Variants in FAM81A observed in about 807,000 individuals in gnomAD.
FAM81A encodes the protein protein FAM81A.
A neutral mutation model predicts 46.7 loss-of-function variants in FAM81A; 19 were observed. The observed-to-expected ratio is 0.41, with a 90% confidence interval of 0.28 to 0.60. FAM81A has a LOEUF of 0.60. Ranked by LOEUF, FAM81A falls within the 20% of genes least tolerant of loss-of-function variation. The pLI, the probability that FAM81A is intolerant of heterozygous loss-of-function variation, is 0.34. For missense variants in FAM81A, 377 were observed against 453.5 expected (o/e 0.83, Z 1.53); for synonymous variants, 183 against 152.9 (o/e 1.20, Z -1.45).
rs1239618880 is a variant in FAM81A at position 59,460,266 on chromosome 15, G to C, written c.294+60G>C. On this transcript the variant is annotated intron_variant, in intron 3 of 8. Transcript: ENST00000288228. This position sits in a 1 kb window ranked among gnomAD's most constrained non-coding sequence, Gnocchi z 4.4. Reference sequence around the variant, plus strand: ...TTTCCACAGAATTGCTCCATGTCAGGAGGTCACCCACATCTAACTCCTACC... The same window carrying C: ...TTTCCACAGAATTGCTCCATGTCAGCAGGTCACCCACATCTAACTCCTACC... The C allele has an allele frequency of 1.9e-6, 3 of 1,610,480 alleles. No homozygotes were observed. The African/African-American group carries it at 4.0e-5, about 22-fold the overall frequency.
chr15:59,493,988 TAGCACTCACTGCTC>T (rs2082008472), intron 4 of FAM81A, among the ~76,000 whole-genome samples: 1 of 152,158 alleles, frequency 6.6e-6, no homozygotes, highest in Non-Finnish European at 1.5e-5. Context: ...AGAGCTCTCC[TAGCACTCACTGCTC>T]TATTGAGTCT....
chr15:59,440,594 A>G (rs543374434), intron 1 of FAM81A, among the ~76,000 whole-genome samples: 1 of 152,320 alleles, frequency 6.6e-6, no homozygotes, highest in African/African-American at 2.4e-5. Context: ...CTTTGCTTCA[A>G]CTAACATCTT....
At chr15:59,436,427 G>A (rs1017368609), upstream of FAM81A, among the ~76,000 whole-genome samples, 3 of 152,078 alleles carry the variant, frequency 2.0e-5, no homozygotes, top group Non-Finnish European at 4.4e-5. Context: ...GGGTGGGCGG[G>A]GAAAGGGTAG....
chr15:59,494,685 A>T (rs916813291), intron 4 of FAM81A, among the ~76,000 whole-genome samples: 2 of 152,140 alleles, frequency 1.3e-5, no homozygotes, highest in African/African-American at 4.8e-5. Context: ...AAATGAATTC[A>T]TGTGAAATAA....
intron 2 of FAM81A, among the ~76,000 whole-genome samples, chr15:59,405,752 A>G (rs1325983477): frequency 1.3e-5 from 2 of 152,220 alleles, no homozygotes; most frequent in Non-Finnish European, 2.9e-5. Context: ...AAACCCTCTT[A>G]CTGGCCTTGG....
At chr15:59,426,381 C>T (rs1284550725) in intron 2 of FAM81A, among the ~76,000 whole-genome samples, 2 of 152,040 alleles carry the variant, frequency 1.3e-5, no homozygotes, top group African/African-American at 2.4e-5. Context: ...CCGAGGTGGG[C>T]GATCACCTGA....
intron 2 of FAM81A, among the ~76,000 whole-genome samples, chr15:59,429,046 A>T (rs2081208272): frequency 6.6e-6 from 1 of 152,236 alleles, no homozygotes; most frequent in South Asian, 2.1e-4. Context: ...AAAATATTTT[A>T]TTCTGCTCTC....
chr15:59,496,373 G>T (rs1388534651), intron 4 of FAM81A, among the ~76,000 whole-genome samples: 1 of 152,140 alleles, frequency 6.6e-6, no homozygotes, highest in African/African-American at 2.4e-5. Flanking sequence ...TTGGGAGGCC[G>T]AGGCGGGCAG....
chr15:59,504,154 TA>T, intron 4 of FAM81A, among the ~76,000 whole-genome samples: 1 of 152,296 alleles, frequency 6.6e-6, no homozygotes, highest in African/African-American at 2.4e-5. Context: ...CATAGTATTT[TA>T]AAAACCTCAG....
chr15:59,484,719 T>C (rs77540599), intron 3 of FAM81A, among the ~76,000 whole-genome samples: 13,208 of 152,236 alleles, frequency 0.087, 703 homozygotes, highest in African/African-American at 0.15. Context: ...AGGAGAGATT[T>C]CTTCTGCTTG....
At chr15:59,453,845 A>G (rs1278159344) in intron 1 of FAM81A, among the ~76,000 whole-genome samples, 1 of 152,052 alleles carries the variant, frequency 6.6e-6, no homozygotes, top group Non-Finnish European at 1.5e-5. Context: ...TGCTAGGTGA[A>G]TCTCGATACC....
intron 3 of FAM81A, among the ~76,000 whole-genome samples, chr15:59,470,591 G>A (rs1240019320): frequency 2.6e-5 from 4 of 152,148 alleles, no homozygotes; most frequent in Non-Finnish European, 5.9e-5. Flanking sequence ...GTTTATTCCA[G>A]TTAGCCATTC....
At chr15:59,519,791 T>C (rs2082308971) in intron 8 of FAM81A, among the ~76,000 whole-genome samples, 1 of 152,196 alleles carries the variant, frequency 6.6e-6, no homozygotes, top group Non-Finnish European at 1.5e-5. Context: ...ATACACAATT[T>C]CTTTATTCAC....
chr15:59,449,213 T>G (rs1452699310), intron 1 of FAM81A, among the ~76,000 whole-genome samples: 8 of 151,972 alleles, frequency 5.3e-5, no homozygotes, highest in African/African-American at 1.9e-4. Flanking sequence ...CCCTGGAGAG[T>G]CTAACAATTT....
chr15:59,419,595 C>T (rs961285171), intron 2 of FAM81A, among the ~76,000 whole-genome samples: 3 of 152,112 alleles, frequency 2.0e-5, no homozygotes, highest in Non-Finnish European at 2.9e-5. Context: ...AACAACAGGC[C>T]GGGCACGGTG....
intron 2 of FAM81A, among the ~76,000 whole-genome samples, chr15:59,432,403 T>C (rs572686043): frequency 6.6e-6 from 1 of 152,376 alleles, no homozygotes; most frequent in African/African-American, 2.4e-5. Flanking sequence ...TTCTTTGATA[T>C]GTGCTGTCCT....
chr15:59,462,964 T>C (rs2081570592), intron 3 of FAM81A, among the ~76,000 whole-genome samples: 1 of 152,248 alleles, frequency 6.6e-6, no homozygotes, highest in African/African-American at 2.4e-5. Flanking sequence ...CTCTGTGGCT[T>C]ATATTTTCGT....
intron 2 of FAM81A, among the ~76,000 whole-genome samples, chr15:59,426,446 T>C (rs2081194797): frequency 4.6e-5 from 7 of 152,128 alleles, no homozygotes; most frequent in Admixed American, 4.6e-4. Flanking sequence ...TCTCTACTTC[T>C]CTACTAAAAA....
In FAM81A at chr15:59,502,923, G is replaced by A. The variant is rs767163292; in HGVS notation, c.414-4290G>A. Reference sequence around the variant, plus strand: ...CAAAAGTACACGAGGGATGTGTGCTGGTAGGAAAGAATCAGAAATGCAATT... The same window carrying A: ...CAAAAGTACACGAGGGATGTGTGCTAGTAGGAAAGAATCAGAAATGCAATT... On this transcript the variant is annotated intron_variant, in intron 4 of 8. Coordinates refer to ENST00000288228, the MANE Select transcript of FAM81A (RefSeq NM_152450.3). 3.2e-4 allele frequency among the ~76,000 whole-genome samples: 49 copies of A among 151,960 alleles called. 1 individual carries two copies. The highest frequency in any genetic ancestry group is 6.9e-4 in the Non-Finnish European group (47 of 67,982).
Sources: gnomAD v4.1 joint callset for allele counts (sites outside exome capture counted in the v4.1 genomes callset) on GRCh38, gnomAD v4.1.1 for gene constraint, Gnocchi (gnomAD v3.1) non-coding constraint, MANE v1.5 for transcripts, NCBI Gene and HGNC (gene_info 2026-07-23, HGNC 2026-07-21) for gene names.